The following GRIK1 variants were observed in gnomAD, a reference collection of about 807,000 sequenced individuals.
GRIK1 encodes glutamate ionotropic receptor kainate type subunit 1.
In GRIK1, 69 loss-of-function variants were observed where a neutral mutation model predicts 105.7. The ratio of observed to expected loss-of-function variants is 0.65; its 90% CI spans 0.54 to 0.80. The LOEUF (loss-of-function observed/expected upper bound fraction) is 0.80, where lower values mean the gene tolerates loss of function less well. Ranked by LOEUF, GRIK1 falls within the 30% of genes least tolerant of loss-of-function variation. The pLI is 0.00. For missense variants in GRIK1, 1,109 were observed against 1,167.3 expected (o/e 0.95, Z 0.73); for synonymous variants, 438 against 431.3 (o/e 1.02, Z -0.19).
intron 1 of GRIK1, among the ~76,000 whole-genome samples, chr21:29,751,639 C>T (rs1418726106): frequency 6.6e-6 from 1 of 152,186 alleles, no homozygotes; most frequent in Admixed American, 6.5e-5. Flanking sequence ...CTTCCATGCA[C>T]ACAGCAGCTT....
In GRIK1 at chr21:29,905,356, ATAAAATGGACAGT is replaced by A. The variant is rs551532734; in HGVS notation, c.118+34014_118+34026del. On this transcript the variant is annotated intron_variant, in intron 1 of 17. Coordinates refer to ENST00000327783, the MANE Select transcript of GRIK1 (RefSeq NM_001330994.2). ...AGGAAGGCTGGGTCCTAGAAGGTCT[ATAAAATGGACAGT>A]TAAAATGGCCCAAGCAAAGGGCTTT... is the stretch of plus-strand genomic sequence containing the variant. Among the ~76,000 whole-genome samples, 143 of 152,276 alleles carry A rather than the reference ATAAAATGGACAGT, an allele frequency of 9.4e-4. 3 individuals carry two copies. The East Asian group carries it at 0.025, about 27-fold the overall frequency.
At chr21:29,862,544 C>T (rs775072612) in intron 1 of GRIK1, among the ~76,000 whole-genome samples, 14 of 152,140 alleles carry the variant, frequency 9.2e-5, no homozygotes, top group South Asian at 2.1e-4. Flanking sequence ...TCTACAGATC[C>T]GCTCCAGCTC....
chr21:29,802,883 G>A (rs903203650), intron 1 of GRIK1, among the ~76,000 whole-genome samples: 2 of 152,086 alleles, frequency 1.3e-5, no homozygotes, highest in East Asian at 1.9e-4. Flanking sequence ...CTCACAATAC[G>A]TTGCATGTTC....
At chr21:29,864,451 G>A (rs554090248) in intron 1 of GRIK1, among the ~76,000 whole-genome samples, 20 of 151,878 alleles carry the variant, frequency 1.3e-4, no homozygotes, top group Middle Eastern at 3.4e-3. Flanking sequence ...TGTATTTTCC[G>A]TTTTATTTGA....
intron 1 of GRIK1, among the ~76,000 whole-genome samples, chr21:29,902,990 C>T (rs1041323723): frequency 2.6e-5 from 4 of 152,068 alleles, no homozygotes; most frequent in African/African-American, 9.7e-5. Flanking sequence ...CATATACAAC[C>T]ATCTGATCTT....
intron 9 of GRIK1, among the ~76,000 whole-genome samples, chr21:29,592,222 G>C (rs73348582): frequency 6.6e-6 from 1 of 152,098 alleles, no homozygotes; most frequent in Admixed American, 6.5e-5. Flanking sequence ...AGCAGCTAGC[G>C]TCTTCTGTTA....
At chr21:29,541,463 T>C (rs1435484408) in intron 16 of GRIK1, among the ~76,000 whole-genome samples, 2 of 152,172 alleles carry the variant, frequency 1.3e-5, no homozygotes, top group Non-Finnish European at 2.9e-5. Context: ...TGTACTGTTA[T>C]ATGCAAAACA....
chr21:29,786,116 G>A (rs1490290821), intron 1 of GRIK1, among the ~76,000 whole-genome samples: 1 of 152,194 alleles, frequency 6.6e-6, no homozygotes, highest in Non-Finnish European at 1.5e-5. Context: ...AGCCTCCGGA[G>A]TAGCTGGGAT....
At chr21:29,839,360 TAGTTGTA>T (rs758724619) in intron 1 of GRIK1, among the ~76,000 whole-genome samples, 3 of 152,184 alleles carry the variant, frequency 2.0e-5, no homozygotes, top group Non-Finnish European at 4.4e-5. Context: ...AGGGAATTTC[TAGTTGTA>T]ATTTGAGTAA....
chr21:29,928,153 G>A (rs2071447477), intron 1 of GRIK1, among the ~76,000 whole-genome samples: 1 of 152,192 alleles, frequency 6.6e-6, no homozygotes, highest in South Asian at 2.1e-4. Context: ...TGCCACCACA[G>A]ATAAGCAAAA....
intron 4 of GRIK1, among the ~76,000 whole-genome samples, chr21:29,659,230 C>A (rs79575766): frequency 6.6e-6 from 1 of 152,108 alleles, no homozygotes; most frequent in Non-Finnish European, 1.5e-5. Flanking sequence ...TACAAATAAA[C>A]AAATAATCAT....
chr21:29,649,033 C>T (rs1422650859), intron 6 of GRIK1, among the ~76,000 whole-genome samples: 1 of 152,160 alleles, frequency 6.6e-6, no homozygotes, highest in East Asian at 1.9e-4. Context: ...TAAGTTTGCT[C>T]TCTTGGCTTA....
chr21:29,637,750 G>A (rs1423326104), intron 7 of GRIK1, among the ~76,000 whole-genome samples: 1 of 152,134 alleles, frequency 6.6e-6, no homozygotes, highest in African/African-American at 2.4e-5. Flanking sequence ...TTGACACCTG[G>A]TTTATGGTAT....
chr21:29,804,483 T>C (rs1455835264), intron 1 of GRIK1, among the ~76,000 whole-genome samples: 2 of 152,118 alleles, frequency 1.3e-5, no homozygotes, highest in African/African-American at 4.8e-5. Context: ...TAAACTTGCC[T>C]CACTAAGTGC....
intron 2 of GRIK1, among the ~76,000 whole-genome samples, chr21:29,691,809 C>T (rs363534): frequency 0.034 from 5,252 of 152,264 alleles, 236 homozygotes; most frequent in East Asian, 0.15. Context: ...ACAACTTTGA[C>T]AGCCATATTG....
chr21:29,568,201 C>G, intron 14 of GRIK1, among the ~76,000 whole-genome samples: 1 of 152,194 alleles, frequency 6.6e-6, no homozygotes, highest in Non-Finnish European at 1.5e-5. Context: ...CTACAGAGAC[C>G]TAACATTTCT....
At chr21:29,900,462 GAAAAA>G (rs796090417) in intron 1 of GRIK1, among the ~76,000 whole-genome samples, 3 of 76,934 alleles carry the variant, frequency 3.9e-5, no homozygotes, top group Non-Finnish European at 9.1e-5. Context: ...TGGAAAGCAA[GAAAAA>G]AAAAAAAAAA....
chr21:29,853,356 C>G (rs1044934461), intron 1 of GRIK1, among the ~76,000 whole-genome samples: 7 of 152,064 alleles, frequency 4.6e-5, no homozygotes, highest in African/African-American at 1.7e-4. Context: ...GTGGCAGCAC[C>G]CTTGGCCAAG....
intron 1 of GRIK1, among the ~76,000 whole-genome samples, chr21:29,829,691 T>C (rs1247247344): frequency 6.6e-6 from 1 of 152,182 alleles, no homozygotes; most frequent in African/African-American, 2.4e-5. Context: ...TGCCATGGAA[T>C]GTTGCCTGAT....
Sources: allele counts gnomAD v4.1 joint callset (sites outside exome capture counted in the v4.1 genomes callset), GRCh38; gene constraint gnomAD v4.1.1; transcripts MANE v1.5; gene names NCBI Gene and HGNC (gene_info 2026-07-23, HGNC 2026-07-21).